SENP6: variants seen among roughly 807,000 people sequenced by gnomAD.
The protein encoded by SENP6 is SUMO specific peptidase 6.
Under a neutral mutation model 134.5 loss-of-function variants are expected in SENP6, and 41 were observed. The ratio of observed to expected loss-of-function variants is 0.30; its 90% CI spans 0.24 to 0.40. SENP6 has a LOEUF of 0.40. Ranked by LOEUF, SENP6 falls within the 10% of genes least tolerant of loss-of-function variation. SENP6 has a pLI of 1.00. For missense variants in SENP6, 1,248 were observed against 1,312.5 expected (o/e 0.95, Z 0.76); for synonymous variants, 395 against 429.8 (o/e 0.92, Z 1.00).
chr6:75,623,818 G>T, intron 2 of SENP6, 82 bp from the exon 3 acceptor site: 2 of 1,232,896 alleles, frequency 1.6e-6, no homozygotes, highest in South Asian at 1.4e-5. Context: ...TGAATTAGGT[G>T]AACATAGAGG....
At position 75,666,714 on chromosome 6, in the gene SENP6, A is replaced by G. The variant is rs779208248; in HGVS notation, c.997A>G (p.Ile333Val). The G allele has an allele frequency of 7.0e-7, 1 of 1,428,150 alleles. No homozygotes were observed. Among genetic ancestry groups the G allele is most frequent in the South Asian group, 1.8e-5 (1 of 57,134 alleles). The allele number at this position is 1,428,150 out of a possible 1,614,324, so 88.5% of individuals were successfully genotyped here. A position where few individuals can be genotyped will look rare whatever the true frequency, so the allele number is the denominator to read the frequency against. The change falls in exon 10 of 24, where the codon ATT (isoleucine) becomes GTT (valine). Residue 333 changes from isoleucine to valine, a missense_variant and splice_region_variant. By Grantham distance (29) the Ile-to-Val change is conservative. Transcript: ENST00000447266. ...ATAAATTATTAAAATACTTTTAGTC[A>G]TTTTGTCCAGTGATGATGATGATGA... ...TSLSDLNDPI[I>V]LSSDDDDDND... is the part of the protein sequence containing the mutation.
At chr6:75,614,119 C>A (rs1014474228) in intron 1 of SENP6, among the ~76,000 whole-genome samples, 2 of 152,008 alleles carry the variant, frequency 1.3e-5, no homozygotes, top group Non-Finnish European at 2.9e-5. Flanking sequence ...ATAAGGAATG[C>A]CATAAAAATG....
chr6:75,684,402 C>T (rs1773683200), intron 16 of SENP6, among the ~76,000 whole-genome samples: 1 of 152,144 alleles, frequency 6.6e-6, no homozygotes, highest in Non-Finnish European at 1.5e-5. Flanking sequence ...TTTCTCTTGC[C>T]TGATTGCCCT....
intron 4 of SENP6, among the ~76,000 whole-genome samples, chr6:75,633,930 A>G (rs191975357): frequency 2.1e-3 from 318 of 152,270 alleles, no homozygotes; most frequent in African/African-American, 7.3e-3. Flanking sequence ...TTCTGAATAA[A>G]ACATTGCAAG....
intron 5 of SENP6, among the ~76,000 whole-genome samples, chr6:75,636,299 A>G (rs2149839383): frequency 6.6e-6 from 1 of 152,326 alleles, no homozygotes; most frequent in South Asian, 2.1e-4. Flanking sequence ...TGTATAATCA[A>G]GTCAGCAGGA....
At chr6:75,712,079 T>C (rs1199114618) in intron 21 of SENP6, among the ~76,000 whole-genome samples, 1 of 152,114 alleles carries the variant, frequency 6.6e-6, no homozygotes, top group Admixed American at 6.5e-5. Flanking sequence ...CACTGATTCC[T>C]TAGCTACTCT....
At position 75,690,561 on chromosome 6, in the gene SENP6, CAT is replaced by C. The variant is rs1414304827; in HGVS notation, c.2076-5240_2076-5239del. Among the ~76,000 whole-genome samples, 71 of 152,262 alleles carry C rather than the reference CAT, an allele frequency of 4.7e-4. 1 individual carries two copies. The highest frequency in any genetic ancestry group is 4.4e-3 in the Admixed American group (67 of 15,284). The stretch of plus-strand genomic sequence containing the variant: ...AGGGGAAAAGGAGTTGTTTAATAGA[CAT>C]ATGTTCAGTTTTGCAAAACAAAGTT... On this transcript the variant is annotated intron_variant, in intron 16 of 23. Coordinates refer to ENST00000447266, the MANE Select transcript of SENP6 (RefSeq NM_015571.4).
chr6:75,658,322 ATAT>A (rs1771500146), intron 7 of SENP6, among the ~76,000 whole-genome samples: 1 of 152,188 alleles, frequency 6.6e-6, no homozygotes, highest in African/African-American at 2.4e-5. Context: ...ATCAAATTAA[ATAT>A]TATATAATAT....
At position 75,637,944 on chromosome 6, in the gene SENP6, T is replaced by C. The variant is rs1263954678; in HGVS notation, c.459-2740T>C. Among the ~76,000 whole-genome samples, 3 of 152,250 alleles carry C rather than the reference T, an allele frequency of 2.0e-5. No individual in the cohort carries two copies. In the South Asian group the frequency reaches 6.2e-4, roughly 32 times the overall value. ...GGCGTGATCTCCACTCACTGCAGCC[T>C]CCACCTCCTAGGTTTAAGCAATTCT... On this transcript the variant is annotated intron_variant, in intron 5 of 23. Transcript: ENST00000447266.
rs570094352 is a variant in SENP6, at chr6:75,629,684, T to C, written c.208-3897T>C. ...AGAAGATCTTTGTGTGTCCCAGGGA[T>C]ATATACATATATCTACTTGGATTTT... On this transcript the variant is annotated intron_variant, in intron 3 of 23. Transcript: ENST00000447266. Among the ~76,000 whole-genome samples the C allele has an allele frequency of 1.3e-4, 20 of 152,316 alleles. No individual in the cohort carries two copies. The South Asian group carries it at 4.1e-3, about 32-fold the overall frequency.
At chr6:75,623,867 A>G (rs1328225064) in intron 2 of SENP6, 33 bp from the exon 3 acceptor site, 2 of 1,543,658 alleles carry the variant, frequency 1.3e-6, no homozygotes, top group South Asian at 2.4e-5. Flanking sequence ...TGTGATTGCT[A>G]CTTATGTTTT....
intron 5 of SENP6, among the ~76,000 whole-genome samples, chr6:75,637,357 CAG>C (rs1308003372): frequency 6.6e-6 from 1 of 152,098 alleles, no homozygotes; most frequent in Admixed American, 6.5e-5. Flanking sequence ...TTTATCTAAA[CAG>C]AATGGTGAAG....
intron 11 of SENP6, among the ~76,000 whole-genome samples, chr6:75,674,183 G>T (rs1562034522): frequency 7.2e-6 from 1 of 138,496 alleles, no homozygotes; most frequent in Non-Finnish European, 1.5e-5. Flanking sequence ...AAACGATAAG[G>T]TCTCTCTTCG....
At chr6:75,635,559 G>T (rs185342422) in intron 5 of SENP6, among the ~76,000 whole-genome samples, 169 of 152,044 alleles carry the variant, frequency 1.1e-3, no homozygotes, top group African/African-American at 3.9e-3. Context: ...TACATAGATG[G>T]GCTATCAGAT....
chr6:75,701,764 C>T (rs896861425), intron 18 of SENP6, among the ~76,000 whole-genome samples: 18 of 151,104 alleles, frequency 1.2e-4, no homozygotes, highest in African/African-American at 4.2e-4. Flanking sequence ...CTCAGCCTCC[C>T]AAGTAGCTGG....
At chr6:75,700,373 G>A (rs1032104787) in intron 18 of SENP6, among the ~76,000 whole-genome samples, 2 of 152,178 alleles carry the variant, frequency 1.3e-5, no homozygotes, top group African/African-American at 4.8e-5. Context: ...TAGTTTTTAG[G>A]TGAGGATATT....
rs1007644965 is a variant in SENP6 at position 75,604,673 on chromosome 6, C to T, written c.52+2097C>T. Among the ~76,000 whole-genome samples the T allele has an allele frequency of 1.6e-4, 25 of 151,798 alleles. 1 individual carries two copies. The highest frequency in any genetic ancestry group is 3.4e-3 in the Middle Eastern group (1 of 290). ...AGGAACAATTTTAGTTCCTCATAAC[C>T]AATTTTCATATGCTATATTGAATCT... On this transcript the variant is annotated intron_variant, in intron 1 of 23. Transcript: ENST00000447266.
At chr6:75,627,185 C>T (rs547108353) in intron 3 of SENP6, among the ~76,000 whole-genome samples, 30 of 152,280 alleles carry the variant, frequency 2.0e-4, no homozygotes, top group African/African-American at 7.0e-4. Context: ...TGGTCTTGAA[C>T]TCCTGACCTC....
At chr6:75,613,729 TTG>T (rs2149822363) in intron 1 of SENP6, among the ~76,000 whole-genome samples, 1 of 152,324 alleles carries the variant, frequency 6.6e-6, no homozygotes, top group Non-Finnish European at 1.5e-5. Context: ...AATTACTTTA[TTG>T]TGTAACTTAC....
Sources: allele counts gnomAD v4.1 joint callset (sites outside exome capture counted in the v4.1 genomes callset), GRCh38; gene constraint gnomAD v4.1.1; transcripts MANE v1.5; gene names NCBI Gene and HGNC (gene_info 2026-07-23, HGNC 2026-07-21).